MOXD1: variants seen among roughly 807,000 people sequenced by gnomAD.
MOXD1 encodes DBH-like monooxygenase protein 1.
MOXD1 carries 62 observed loss-of-function variants against 66.6 expected under a neutral mutation model. That is an observed-to-expected ratio of 0.93 (90% CI 0.76 to 1.15). MOXD1 has a LOEUF of 1.15. Among genes scored for constraint, MOXD1 ranks in the 50% most tolerant of loss-of-function variants. The pLI is 0.00. For synonymous variants in MOXD1, 303 were observed against 281.9 expected, an observed-to-expected ratio of 1.07 and a Z score of -0.75; for missense variants, 847 against 754.6, an observed-to-expected ratio of 1.12 and a Z score of -1.44.
chr6:132,346,729 C>A (rs573382457), intron 4 of MOXD1, among the ~76,000 whole-genome samples: 1 of 152,126 alleles, frequency 6.6e-6, no homozygotes, highest in South Asian at 2.1e-4. Context: ...TTTGCCCCTT[C>A]CATGTACGAT....
At chr6:132,397,959 T>C (rs751282910) in intron 1 of MOXD1, among the ~76,000 whole-genome samples, 4 of 152,216 alleles carry the variant, frequency 2.6e-5, no homozygotes, top group Non-Finnish European at 5.9e-5. Flanking sequence ...AGAGATTGCA[T>C]AGTGGTGAAG....
chr6:132,322,561 G>T lies in MOXD1; in HGVS notation c.1305+118C>A, dbSNP rs572348728. On this transcript the variant is annotated intron_variant, in intron 8 of 11. Coordinates refer to ENST00000367963, the MANE Select transcript of MOXD1 (RefSeq NM_015529.4). ...TTGTACAACACCCACAGTGGGTGGT[G>T]TTAAGAATACAGATGCAAGGAAAAA... 229 of 986,616 alleles carry T rather than the reference G, an allele frequency of 2.3e-4. 1 individual carries two copies. The South Asian group carries it at 3.6e-3, about 15-fold the overall frequency. 61.1% of individuals were successfully genotyped at this position (986,616 alleles called of 1,614,324 possible).
Position 132,296,856 on chromosome 6 carries a change from A to G in MOXD1, c.*297T>C, listed in dbSNP as rs1482632521. 1 of 220,402 alleles carries G rather than the reference A, an allele frequency of 4.5e-6. No individual in the cohort carries two copies. Among genetic ancestry groups the G allele is most frequent in the East Asian group, 8.7e-5 (1 of 11,436 alleles). 13.7% of individuals were successfully genotyped at this position (220,402 alleles called of 1,614,324 possible). A position where few individuals can be genotyped will look rare whatever the true frequency, so the allele number is the denominator to read the frequency against. On this transcript the variant is annotated 3_prime_UTR_variant, in exon 12 of 12. Transcript: ENST00000367963. Reference sequence around the variant, plus strand: ...GTATTTAAATAAAACAGAATGTAGTAGGAAAGAAAGAATTCTTTTATTCCC... The same window carrying G: ...GTATTTAAATAAAACAGAATGTAGTGGGAAAGAAAGAATTCTTTTATTCCC...
chr6:132,322,199 A>G (rs568097822), intron 8 of MOXD1, among the ~76,000 whole-genome samples: 30 of 152,334 alleles, frequency 2.0e-4, no homozygotes, highest in African/African-American at 7.2e-4. Flanking sequence ...GTCAAGCTGG[A>G]TCACACAGCA....
intron 10 of MOXD1, among the ~76,000 whole-genome samples, chr6:132,303,875 ATATACATATAT>A (rs1562276532): frequency 0.011 from 559 of 49,904 alleles, 5 homozygotes; most frequent in Middle Eastern, 0.015. Flanking sequence ...ATATATATAT[ATATACATATAT>A]ACATAAAACC....
At chr6:132,331,685 C>G (rs943383247) in intron 4 of MOXD1, among the ~76,000 whole-genome samples, 3 of 152,138 alleles carry the variant, frequency 2.0e-5, no homozygotes, top group Admixed American at 6.5e-5. Flanking sequence ...TAATCCTTAT[C>G]TTACAGATTT....
intron 10 of MOXD1, among the ~76,000 whole-genome samples, chr6:132,303,766 T>TAC (rs1562276254): frequency 1.5e-5 from 2 of 137,104 alleles, no homozygotes; most frequent in African/African-American, 2.9e-5. Flanking sequence ...TATATATATA[T>TAC]ATACATACAT....
intron 4 of MOXD1, among the ~76,000 whole-genome samples, chr6:132,357,660 G>A (rs548971851): frequency 9.2e-4 from 140 of 151,852 alleles, no homozygotes; most frequent in Middle Eastern, 3.4e-3. Context: ...CTAAATTACT[G>A]GATAATAATA....
chr6:132,332,398 G>A (rs1775340059), intron 4 of MOXD1, among the ~76,000 whole-genome samples: 1 of 151,954 alleles, frequency 6.6e-6, no homozygotes, highest in Non-Finnish European at 1.5e-5. Flanking sequence ...AAAAAAGAAA[G>A]AAAAAGAAGT....
At chr6:132,324,991 T>G (rs1184977470) in intron 6 of MOXD1, 3 of 135,540 alleles carry the variant, frequency 2.2e-5, no homozygotes, top group Non-Finnish European at 4.8e-5. Context: ...ACACACATAC[T>G]TAGAAGATAT....
intron 9 of MOXD1, among the ~76,000 whole-genome samples, chr6:132,316,772 T>C (rs1774968482): frequency 6.6e-6 from 1 of 152,142 alleles, no homozygotes; most frequent in Admixed American, 6.6e-5. Flanking sequence ...TTAAATGTTC[T>C]AGCATTTATG....
At chr6:132,395,872 A>G (rs1776858370) in intron 1 of MOXD1, among the ~76,000 whole-genome samples, 1 of 152,198 alleles carries the variant, frequency 6.6e-6, no homozygotes, top group Non-Finnish European at 1.5e-5. Context: ...TGCACTCAAC[A>G]CCAAAACACC....
intron 4 of MOXD1, among the ~76,000 whole-genome samples, chr6:132,355,413 C>A (rs527432990): frequency 2.6e-5 from 4 of 152,282 alleles, no homozygotes; most frequent in African/African-American, 9.6e-5. Context: ...ACAAACTAGA[C>A]CTTCAGGGGT....
intron 4 of MOXD1, 42 bp from the exon 5 acceptor site, chr6:132,328,636 C>T (rs773314279): frequency 6.3e-7 from 1 of 1,576,932 alleles, no homozygotes; most frequent in Admixed American, 1.7e-5. Flanking sequence ...ATAAATAAGA[C>T]CACCCTACAA....
chr6:132,335,377 T>G (rs1030891720), intron 4 of MOXD1, among the ~76,000 whole-genome samples: 1 of 151,834 alleles, frequency 6.6e-6, no homozygotes, highest in Non-Finnish European at 1.5e-5. Context: ...TATTTGAAAA[T>G]AGGGTTTTTG....
chr6:132,348,811 T>C (rs892479619), intron 4 of MOXD1, among the ~76,000 whole-genome samples: 9 of 152,064 alleles, frequency 5.9e-5, no homozygotes, highest in Non-Finnish European at 7.4e-5. Context: ...GTTATGATAA[T>C]GGTTCCAAAA....
intron 4 of MOXD1, among the ~76,000 whole-genome samples, chr6:132,357,087 T>G (rs1482372686): frequency 6.6e-6 from 1 of 152,074 alleles, no homozygotes; most frequent in Admixed American, 6.5e-5. Flanking sequence ...TGATGAGAGA[T>G]AAAAACTCAA....
At chr6:132,375,386 G>C (rs532337054) in intron 1 of MOXD1, among the ~76,000 whole-genome samples, 1 of 152,290 alleles carries the variant, frequency 6.6e-6, no homozygotes, top group African/African-American at 2.4e-5. Flanking sequence ...TGTTTTGGGG[G>C]ATTAGCCATA....
At chr6:132,400,164 TA>T (rs1329935916) in intron 1 of MOXD1, among the ~76,000 whole-genome samples, 1 of 152,220 alleles carries the variant, frequency 6.6e-6, no homozygotes, top group Non-Finnish European at 1.5e-5. Context: ...ATAAAATTAC[TA>T]AGAAGCGCAC....
Sources: gnomAD v4.1 joint callset for allele counts (sites outside exome capture counted in the v4.1 genomes callset) on GRCh38, gnomAD v4.1.1 for gene constraint, MANE v1.5 for transcripts, NCBI Gene and HGNC (gene_info 2026-07-23, HGNC 2026-07-21) for gene names.